The following BRI3BP variants were observed in gnomAD, a reference collection of about 807,000 sequenced individuals.
BRI3BP encodes BRI3-binding protein.
A neutral mutation model predicts 15.8 loss-of-function variants in BRI3BP; 7 were observed. That is an observed-to-expected ratio of 0.44 (90% CI 0.25 to 0.83). BRI3BP has a LOEUF of 0.83. Ranked by LOEUF, BRI3BP falls within the 40% of genes least tolerant of loss-of-function variation. The pLI, the probability that BRI3BP is intolerant of heterozygous loss-of-function variation, is 0.20. For synonymous variants in BRI3BP, 192 were observed against 163.5 expected, an observed-to-expected ratio of 1.17 and a Z score of -1.33; for missense variants, 320 against 339.3, an observed-to-expected ratio of 0.94 and a Z score of 0.45.
At chr12:125,032,834 C>T (rs1057442305), downstream of BRI3BP, among the ~76,000 whole-genome samples, 2 of 152,062 alleles carry the variant, frequency 1.3e-5, no homozygotes, top group South Asian at 2.1e-4. Flanking sequence ...CACCATAGGC[C>T]GAGGAGGAGG....
At chr12:125,002,449 T>TGTTTG (rs1565902195) in intron 1 of BRI3BP, among the ~76,000 whole-genome samples, 2 of 147,408 alleles carry the variant, frequency 1.4e-5, no homozygotes, top group Non-Finnish European at 3.0e-5. Flanking sequence ...AACTGGTTTT[T>TGTTTG]TTTTTTGTTT....
chr12:125,050,824 C>T, the BRI3BP span, among the ~76,000 whole-genome samples: 1 of 152,160 alleles, frequency 6.6e-6, no homozygotes, highest in Non-Finnish European at 1.5e-5. Flanking sequence ...TAACCATCTG[C>T]ATAAGAGATA....
rs1470443683 is a variant in BRI3BP, at chr12:125,016,825, C to CG, written c.316+4189_316+4190insG. On this transcript the variant is annotated intron_variant, in intron 2 of 2. Transcript: ENST00000341446. ...ACGGGCATGAGCCACTGCGCCCAGC[C>CG]TTTTTTTTTTTTTTTTTTTTTTTTT... Among the ~76,000 whole-genome samples the CG allele has an allele frequency of 2.0e-3, 78 of 39,810 alleles. 3 individuals carry two copies. The highest frequency in any genetic ancestry group is 7.3e-3 in the African/African-American group (75 of 10,230). 26.1% of individuals were successfully genotyped at this position (39,810 alleles called of 152,430 possible). A position where few individuals can be genotyped will look rare whatever the true frequency, so the allele number is the denominator to read the frequency against.
At chr12:125,002,457 TTTTG>T (rs1565902228) in intron 1 of BRI3BP, among the ~76,000 whole-genome samples, 2 of 142,080 alleles carry the variant, frequency 1.4e-5, no homozygotes, top group African/African-American at 2.6e-5. Context: ...TTTTTTTTTG[TTTTG>T]TTTTTTTTTT....
chr12:125,030,751 G>C lies in BRI3BP; in HGVS notation c.*5321G>C, dbSNP rs1240031661. ...TAATTAAACTGATTAACTTGTGATG[G>C]TGATGGTGATTAGCACACACTAAAA... On this transcript the variant is annotated 3_prime_UTR_variant, in exon 3 of 3. Coordinates refer to ENST00000341446, the MANE Select transcript of BRI3BP (RefSeq NM_080626.6). 6.6e-6 allele frequency: 1 copy of C among 152,168 alleles called. No homozygotes were observed. The highest frequency in any genetic ancestry group is 2.4e-5 in the African/African-American group (1 of 41,452). 9.4% of individuals were successfully genotyped at this position (152,168 alleles called of 1,614,324 possible).
At chr12:125,006,439 C>T (rs1177042648) in intron 1 of BRI3BP, among the ~76,000 whole-genome samples, 2 of 152,062 alleles carry the variant, frequency 1.3e-5, no homozygotes, top group East Asian at 3.9e-4. Flanking sequence ...TTCTTTCCAC[C>T]GTGAGAAAGA....
At chr12:124,996,508 A>G (rs1219874264) in intron 1 of BRI3BP, among the ~76,000 whole-genome samples, 1 of 151,876 alleles carries the variant, frequency 6.6e-6, no homozygotes, top group African/African-American at 2.4e-5. Context: ...TGTTTTTGGT[A>G]GAGATGAGGT....
intron 1 of BRI3BP, among the ~76,000 whole-genome samples, chr12:124,998,750 A>G (rs1955059978): frequency 6.6e-6 from 1 of 152,166 alleles, no homozygotes. Flanking sequence ...AATGGTTAAA[A>G]TGGCCAACTT....
the BRI3BP span, among the ~76,000 whole-genome samples, chr12:125,036,329 C>G: frequency 6.6e-6 from 1 of 151,438 alleles, no homozygotes; most frequent in African/African-American, 2.4e-5. Context: ...TCCCAAAATG[C>G]TGGGATTACA....
chr12:125,032,186 G>A (rs1348292446), downstream of BRI3BP, among the ~76,000 whole-genome samples: 1 of 152,178 alleles, frequency 6.6e-6, no homozygotes, highest in Non-Finnish European at 1.5e-5. Flanking sequence ...ATTTTGGCCG[G>A]GTGAGGTGGC....
chr12:124,999,085 AAAAC>A (rs1955062311), intron 1 of BRI3BP, among the ~76,000 whole-genome samples: 1 of 152,200 alleles, frequency 6.6e-6, no homozygotes, highest in South Asian at 2.1e-4. Flanking sequence ...GTCTCCAAAA[AAAAC>A]AAACAAATGA....
At chr12:125,039,236 T>C in the BRI3BP span, among the ~76,000 whole-genome samples, 1 of 152,276 alleles carries the variant, frequency 6.6e-6, no homozygotes. Context: ...TGTTTTCTGC[T>C]GCACTGCACA....
At chr12:125,003,717 C>G (rs1215480109) in intron 1 of BRI3BP, among the ~76,000 whole-genome samples, 1 of 152,116 alleles carries the variant, frequency 6.6e-6, no homozygotes, top group Non-Finnish European at 1.5e-5. Flanking sequence ...CTTTGGGAGG[C>G]CGAGGCGGGT....
chr12:125,015,043 A>AG (rs1461824927), intron 2 of BRI3BP, among the ~76,000 whole-genome samples: 1 of 152,202 alleles, frequency 6.6e-6, no homozygotes, highest in African/African-American at 2.4e-5. Flanking sequence ...CTGAGATTGT[A>AG]GGCGTGAGCC....
rs566338908 is a variant in BRI3BP at position 125,023,067 on chromosome 12, G to A, written c.317-1924G>A. Among the ~76,000 whole-genome samples the A allele has an allele frequency of 6.6e-5, 10 of 152,324 alleles. 1 individual carries two copies. The South Asian group carries it at 1.9e-3, about 28-fold the overall frequency. On this transcript the variant is annotated intron_variant, in intron 2 of 2. Coordinates refer to ENST00000341446, the MANE Select transcript of BRI3BP (RefSeq NM_080626.6). ...TCTTCAAGTCAGGCACACAGAAGAT[G>A]CTACTCTTACATTTCACTGCATTCT...
downstream of BRI3BP, among the ~76,000 whole-genome samples, chr12:125,032,081 G>A (rs893241109): frequency 1.3e-5 from 2 of 152,144 alleles, no homozygotes; most frequent in Admixed American, 6.6e-5. Context: ...CGTGCAGTAG[G>A]TAGTAATGAC....
the BRI3BP span, among the ~76,000 whole-genome samples, chr12:125,042,558 TCTCA>T: frequency 1.8e-4 from 27 of 150,910 alleles, no homozygotes; most frequent in Admixed American, 1.3e-3. Flanking sequence ...TGAAACGGAG[TCTCA>T]CTCACTCTGT....
At chr12:125,015,140 C>T (rs7313888) in intron 2 of BRI3BP, among the ~76,000 whole-genome samples, 41,776 of 152,050 alleles carry the variant, frequency 0.27, 6,323 homozygotes, top group South Asian at 0.45. Context: ...AAATGTGCTC[C>T]TCAAGAATAT....
In BRI3BP at chr12:125,025,142, C is replaced by A; in HGVS notation, c.468C>A (p.Arg156=). 1 of 1,614,170 alleles carries A rather than the reference C, an allele frequency of 6.2e-7. No individual in the cohort carries two copies. Among genetic ancestry groups the A allele is most frequent in the Non-Finnish European group, 8.5e-7 (1 of 1,180,034 alleles). The part of the protein sequence containing the change: ...TFSVLHVVFG[R]FFWIVRVVLF... ...GCGTCCTGCACGTGGTGTTCGGCCG[C>A]TTCTTCTGGATCGTGCGGGTCGTCC... The change falls in exon 3 of 3, where the codon CGC becomes CGA. Residue 156 remains arginine, a synonymous_variant. Transcript: ENST00000341446.
Sources: gnomAD v4.1 joint callset for allele counts (sites outside exome capture counted in the v4.1 genomes callset) on GRCh38, gnomAD v4.1.1 for gene constraint, MANE v1.5 for transcripts, NCBI Gene and HGNC (gene_info 2026-07-23, HGNC 2026-07-21) for gene names.